Variants in RBPMS observed in about 807,000 individuals in gnomAD.
RBPMS encodes RNA binding protein, mRNA processing factor, also known as RNA-binding protein with multiple splicing.
A neutral mutation model predicts 26.8 loss-of-function variants in RBPMS; 7 were observed. The ratio of observed to expected loss-of-function variants is 0.26; its 90% CI spans 0.15 to 0.49. The LOEUF (loss-of-function observed/expected upper bound fraction) is 0.49, where lower values mean the gene tolerates loss of function less well. Among genes scored for constraint, RBPMS ranks in the 20% least tolerant of loss-of-function variants. RBPMS has a pLI of 0.98. For synonymous variants in RBPMS, 96 were observed against 93.3 expected (o/e 1.03, Z -0.17); for missense variants, 186 against 250.0 (o/e 0.74, Z 1.73).
rs1405063893 is a variant in RBPMS, at chr8:30,556,278, G to A, written c.529-2609G>A. 17 of 985,288 alleles carry A rather than the reference G, an allele frequency of 1.7e-5. No homozygotes were observed. The South Asian group carries it at 4.2e-4, about 25-fold the overall frequency. 61.0% of individuals were successfully genotyped at this position (985,288 alleles called of 1,614,324 possible). A position where few individuals can be genotyped will look rare whatever the true frequency, so the allele number is the denominator to read the frequency against. ...CAGCCTCCCCTGGACCCCACAGCTC[G>A]GAACCCGCCTTCATGTCACTCTGGA... On this transcript the variant is annotated intron_variant, in intron 6 of 8. Coordinates refer to ENST00000397323, the MANE Select transcript of RBPMS (RefSeq NM_001008710.3).
intron 7 of RBPMS, among the ~76,000 whole-genome samples, chr8:30,560,891 C>T (rs1341597685): frequency 1.3e-5 from 2 of 152,218 alleles, no homozygotes; most frequent in Middle Eastern, 3.4e-3. Context: ...ATATAGAGAT[C>T]CTTGGATGAG....
chr8:30,516,881 A>G (rs999998511), intron 5 of RBPMS, among the ~76,000 whole-genome samples: 9 of 140,842 alleles, frequency 6.4e-5, no homozygotes, highest in Non-Finnish European at 1.3e-4. Flanking sequence ...CCTGGCCAAC[A>G]TAGCTTGACT....
chr8:30,433,524 T>A (rs555417807), intron 1 of RBPMS, among the ~76,000 whole-genome samples: 1 of 152,220 alleles, frequency 6.6e-6, no homozygotes, highest in East Asian at 1.9e-4. Context: ...TACAAAAAAT[T>A]AACCAGGTGT....
At chr8:30,468,646 T>A (rs1262315183) in intron 1 of RBPMS, among the ~76,000 whole-genome samples, 2 of 152,164 alleles carry the variant, frequency 1.3e-5, no homozygotes, top group East Asian at 3.8e-4. Context: ...GTCGAGATAT[T>A]TATAGAACAT....
chr8:30,548,031 A>T lies in RBPMS; in HGVS notation c.528+3407A>T, dbSNP rs115397632. Among the ~76,000 whole-genome samples, 585 of 152,362 alleles carry T rather than the reference A, an allele frequency of 3.8e-3. 7 individuals carry two copies. The highest frequency in any genetic ancestry group is 0.014 in the African/African-American group (562 of 41,582). ...AGAAATTATTGGATAAGGTAATAGGACTGAAAGCCTCAGTACTGACTTAAT... is the reference window on the plus strand; with the variant it reads ...AGAAATTATTGGATAAGGTAATAGGTCTGAAAGCCTCAGTACTGACTTAAT... On this transcript the variant is annotated intron_variant, in intron 6 of 8. Coordinates refer to ENST00000397323, the MANE Select transcript of RBPMS (RefSeq NM_001008710.3).
intron 8 of RBPMS, among the ~76,000 whole-genome samples, chr8:30,568,169 G>A (rs1042927674): frequency 1.3e-4 from 20 of 152,184 alleles, no homozygotes; most frequent in Admixed American, 9.2e-4. Context: ...AAATGAAAAC[G>A]GAAGCACTCT....
intron 6 of RBPMS, chr8:30,556,338 C>T (rs79120101): frequency 2.5e-5 from 25 of 985,528 alleles, no homozygotes; most frequent in African/African-American, 3.5e-5. Flanking sequence ...AGCCTGAAGA[C>T]GGGCTGCACG....
chr8:30,482,013 T>A (rs535137789), intron 4 of RBPMS, among the ~76,000 whole-genome samples: 1 of 152,356 alleles, frequency 6.6e-6, no homozygotes, highest in South Asian at 2.1e-4. Context: ...GGGATGTTGC[T>A]GCATTTTTCC....
chr8:30,453,225 G>A (rs988214313), intron 1 of RBPMS, among the ~76,000 whole-genome samples: 11 of 152,256 alleles, frequency 7.2e-5, no homozygotes, highest in South Asian at 6.2e-4. Context: ...TTTGGGTAAC[G>A]GTTCATGTAG....
At chr8:30,410,447 A>G (rs755723874) in intron 1 of RBPMS, among the ~76,000 whole-genome samples, 5 of 152,058 alleles carry the variant, frequency 3.3e-5, no homozygotes, top group African/African-American at 7.2e-5. Context: ...TGACCTTGTC[A>G]TCTGCCCCCC....
At chr8:30,458,798 A>C (rs1815542972) in intron 1 of RBPMS, among the ~76,000 whole-genome samples, 1 of 151,996 alleles carries the variant, frequency 6.6e-6, no homozygotes, top group South Asian at 2.1e-4. Context: ...TGCAGCCTCA[A>C]CCTCCTGGGC....
chr8:30,544,814 T>C lies in RBPMS; in HGVS notation c.528+190T>C, dbSNP rs1260267674. The C allele has an allele frequency of 7.1e-6, 11 of 1,551,598 alleles. No individual in the cohort carries two copies. The African/African-American group carries it at 9.5e-5, about 13-fold the overall frequency. ...CGAGGATCGTCTGACAGCAATGATA[T>C]CACCCACTGCCTGATGTTTGCCCCA... is the stretch of plus-strand genomic sequence containing the variant. On this transcript the variant is annotated intron_variant, in intron 6 of 8. Transcript: ENST00000397323.
At chr8:30,507,586 AT>A (rs1235520772) in intron 5 of RBPMS, among the ~76,000 whole-genome samples, 40 of 152,340 alleles carry the variant, frequency 2.6e-4, no homozygotes, top group African/African-American at 9.4e-4. Context: ...ACCTGCCTAA[AT>A]TAATAGAATT....
At chr8:30,458,071 C>A (rs373709368) in intron 1 of RBPMS, among the ~76,000 whole-genome samples, 2 of 152,228 alleles carry the variant, frequency 1.3e-5, no homozygotes, top group East Asian at 3.9e-4. Context: ...CTATGCACAT[C>A]CTCCTGTACA....
intron 6 of RBPMS, chr8:30,558,679 T>A (rs1007030883): frequency 6.4e-6 from 4 of 627,712 alleles, no homozygotes; most frequent in Middle Eastern, 2.8e-4. Context: ...CTCAGAGAGC[T>A]TGCCTGTGTG....
At chr8:30,512,254 ATTTG>A (rs929025599) in intron 5 of RBPMS, among the ~76,000 whole-genome samples, 7 of 151,674 alleles carry the variant, frequency 4.6e-5, no homozygotes, top group Non-Finnish European at 5.9e-5. Context: ...TTGTTTACTT[ATTTG>A]TTTGTGTATG....
chr8:30,414,607 A>C (rs573272821), intron 1 of RBPMS, among the ~76,000 whole-genome samples: 1 of 152,340 alleles, frequency 6.6e-6, no homozygotes, highest in East Asian at 1.9e-4. Flanking sequence ...CCAGAAAACA[A>C]ATTCAAAACA....
intron 1 of RBPMS, among the ~76,000 whole-genome samples, chr8:30,462,999 C>T (rs1008820060): frequency 6.6e-6 from 1 of 152,076 alleles, no homozygotes. Flanking sequence ...GCATTGGTTC[C>T]TTTTAGGATG....
rs984937764 is a variant in RBPMS, at chr8:30,504,148, T to C, written c.247-138T>C. On this transcript the variant is annotated intron_variant, in intron 4 of 8. Coordinates refer to ENST00000397323, the MANE Select transcript of RBPMS (RefSeq NM_001008710.3). Reference sequence around the variant, plus strand: ...GTGTTGTCATTTTTCATGTAACCTGTGTAAGTAGTAAGAATGAGAGTGGTT... The same window carrying C: ...GTGTTGTCATTTTTCATGTAACCTGCGTAAGTAGTAAGAATGAGAGTGGTT... 6 of 795,034 alleles carry C rather than the reference T, an allele frequency of 7.5e-6. No homozygotes were observed. In the African/African-American group the frequency reaches 8.5e-5, roughly 11 times the overall value. The allele number at this position is 795,034 out of a possible 1,614,324, so 49.2% of individuals were successfully genotyped here. A position where few individuals can be genotyped will look rare whatever the true frequency, so the allele number is the denominator to read the frequency against.
Sources: allele counts gnomAD v4.1 joint callset (sites outside exome capture counted in the v4.1 genomes callset), GRCh38; gene constraint gnomAD v4.1.1; transcripts MANE v1.5; gene names NCBI Gene and HGNC (gene_info 2026-07-23, HGNC 2026-07-21).